The following IQSEC2 variants were observed in gnomAD, a reference collection of about 807,000 sequenced individuals.
IQSEC2 encodes IQ motif and SEC7 domain-containing protein 2.
IQSEC2 carries 6 observed loss-of-function variants against 74.6 expected under a neutral mutation model. The observed-to-expected ratio is 0.08, with a 90% confidence interval of 0.04 to 0.16. IQSEC2 has a LOEUF of 0.16. Ranked by LOEUF, IQSEC2 falls within the 10% of genes least tolerant of loss-of-function variation. IQSEC2 has a pLI of 1.00. For missense variants in IQSEC2, 734 were observed against 1,306.2 expected (o/e 0.56, Z 6.75); for synonymous variants, 494 against 544.5 (o/e 0.91, Z 1.29).
intron 1 of IQSEC2, among the ~76,000 whole-genome samples, chrX:53,299,242 T>C (rs1366136316): frequency 9.0e-6 from 1 of 110,920 alleles, no homozygotes; most frequent in Admixed American, 9.7e-5. Context: ...TACATTAAAA[T>C]AAAATATACC....
At chrX:53,235,699 G>A (rs1328275196) in intron 14 of IQSEC2, 84 bp downstream of exon 14, 1 of 1,007,176 alleles carries the variant, frequency 9.9e-7, no homozygotes, top group Non-Finnish European at 1.4e-6. Flanking sequence ...AAGAGGGGGA[G>A]CAACAGGTCC....
intron 1 of IQSEC2, among the ~76,000 whole-genome samples, chrX:53,319,356 A>G (rs2075406938): frequency 8.9e-6 from 1 of 111,892 alleles, no homozygotes; most frequent in African/African-American, 3.3e-5. Context: ...CTTCAAGATC[A>G]TCCAAGGCAG....
At chrX:53,229,667 A>C (rs1277307329), downstream of IQSEC2, 5 of 111,191 alleles carry the variant, frequency 4.5e-5, no homozygotes, top group African/African-American at 1.6e-4. Flanking sequence ...GCACCACTGC[A>C]CTGGGCAATG....
At chrX:53,237,587 GGT>G (rs1475983958) in intron 12 of IQSEC2, 1 of 130,193 alleles carries the variant, frequency 7.7e-6, no homozygotes, top group Non-Finnish European at 1.6e-5. Flanking sequence ...AAAATGACTT[GGT>G]GTGGCCCCTG....
intron 2 of IQSEC2, among the ~76,000 whole-genome samples, chrX:53,276,912 G>A (rs781831208): frequency 8.9e-6 from 1 of 111,804 alleles, no homozygotes; most frequent in Admixed American, 9.5e-5. Flanking sequence ...TGCACTCTTG[G>A]GGCAAACTTT....
chrX:53,240,693 G>A (rs1556860669), intron 10 of IQSEC2, among the ~76,000 whole-genome samples: 2 of 111,686 alleles, frequency 1.8e-5, no homozygotes, highest in Non-Finnish European at 3.8e-5. Flanking sequence ...CTTCCAACCT[G>A]CAAAGTCCTA....
At chrX:53,273,284 T>C (rs1556868943) in intron 2 of IQSEC2, among the ~76,000 whole-genome samples, 1 of 110,759 alleles carries the variant, frequency 9.0e-6, no homozygotes, top group Non-Finnish European at 1.9e-5. Flanking sequence ...GCCCCTCATC[T>C]GGCAGCCTTC....
intron 1 of IQSEC2, among the ~76,000 whole-genome samples, chrX:53,313,667 C>G (rs781956605): frequency 6.2e-5 from 7 of 112,039 alleles, no homozygotes; most frequent in Non-Finnish European, 1.3e-4. Context: ...CCCTGAGATA[C>G]CATGTCCAGC....
rs1161354303 is a variant in IQSEC2 at position 53,235,018 on chromosome X, G to A, written c.3668C>T (p.Pro1223Leu). The A allele has an allele frequency of 1.4e-5, 16 of 1,164,200 alleles. No homozygotes were observed. Among genetic ancestry groups the A allele is most frequent in the South Asian group, 3.8e-5 (2 of 52,456 alleles). The change falls in exon 15 of 15, where the codon CCG (proline) becomes CTG (leucine). Residue 1223 changes from proline (P) to leucine (L), a missense_variant. Transcript: ENST00000642864. ...RGKGPFQMPP[P>L]PTGQASASSS... Reference sequence around the variant, plus strand: ...GGAGGCAGAGGCCTGGCCTGTTGGCGGTGGTGGCATCTGGAAGGGCCCCTT... The same window carrying A: ...GGAGGCAGAGGCCTGGCCTGTTGGCAGTGGTGGCATCTGGAAGGGCCCCTT...
Position 53,238,290 on chromosome X carries a change from G to C in IQSEC2, c.3132C>G (p.Ile1044Met). Reference protein sequence around the residue: ...LFQNSYYQFGIKLLSAVPGGE... With the variant: ...LFQNSYYQFGMKLLSAVPGGE... ...CACCAGGTACTGCAGACAGCAACTT[G>C]ATCCCAAACTGGTAATCTGTGGAGA... Residue 1044 changes from isoleucine (I) to methionine (M), a missense_variant, in exon 12 of 15, where the codon ATC becomes ATG. This residue lies in a region of IQSEC2 where 249 missense variants were observed against 467.9 expected (regional missense o/e 0.53). Transcript: ENST00000642864. The C allele has an allele frequency of 1.7e-6, 2 of 1,211,736 alleles. No homozygotes were observed. Among genetic ancestry groups the C allele is most frequent in the Non-Finnish European group, 2.2e-6 (2 of 895,321 alleles).
In IQSEC2 at chrX:53,262,717, C is replaced by T. The variant is rs34526064; in HGVS notation, c.738-6656G>A. Reference sequence around the variant, plus strand: ...GGATCTAAGCCCTAGCCCAGCCTGGCTTGGCACAGGAACTGACAGGGAAGA... The same window carrying T: ...GGATCTAAGCCCTAGCCCAGCCTGGTTTGGCACAGGAACTGACAGGGAAGA... On this transcript the variant is annotated intron_variant, in intron 2 of 14. Transcript: ENST00000642864. 2.1e-4 allele frequency among the ~76,000 whole-genome samples: 24 copies of T among 112,715 alleles called. No individual in the cohort carries two copies. The East Asian group carries it at 6.5e-3, about 30-fold the overall frequency.
At chrX:53,256,480 A>T (rs1420989405) in intron 2 of IQSEC2, among the ~76,000 whole-genome samples, 2 of 108,219 alleles carry the variant, frequency 1.8e-5, no homozygotes, top group African/African-American at 6.8e-5. Context: ...CCTTGTCCCC[A>T]ACGCAGTGCT....
At chrX:53,264,051 C>A (rs1350622010) in intron 2 of IQSEC2, among the ~76,000 whole-genome samples, 2 of 112,318 alleles carry the variant, frequency 1.8e-5, no homozygotes, top group Admixed American at 9.4e-5. Context: ...AAGGCCACAG[C>A]CTCACGTGCT....
At chrX:53,313,839 A>T (rs782494032) in intron 1 of IQSEC2, among the ~76,000 whole-genome samples, 1 of 112,218 alleles carries the variant, frequency 8.9e-6, no homozygotes, top group Admixed American at 9.4e-5. Context: ...GGGAGAGATA[A>T]TGATCAGCAG....
intron 2 of IQSEC2, among the ~76,000 whole-genome samples, chrX:53,282,112 T>C (rs2074975864): frequency 8.9e-6 from 1 of 112,662 alleles, no homozygotes; most frequent in Admixed American, 9.4e-5. Context: ...GGTATCAAGA[T>C]GGGGCCCCGG....
In IQSEC2 at chrX:53,239,056, T is replaced by C; in HGVS notation, c.3115+139A>G. ...ATACTCCACCCTGGCCTGCCCCTCA[T>C]CCTGGGACCAAGTAGGTGCTTTGGA... On this transcript the variant is annotated intron_variant, in intron 11 of 14. Coordinates refer to ENST00000642864, the MANE Select transcript of IQSEC2 (RefSeq NM_001111125.3). The C allele has an allele frequency of 1.4e-5, 7 of 511,120 alleles. No homozygotes were observed. In the South Asian group the frequency reaches 1.8e-4, roughly 13 times the overall value. The allele number at this position is 511,120 out of a possible 1,213,427, so 42.1% of individuals were successfully genotyped here. A position where few individuals can be genotyped will look rare whatever the true frequency, so the allele number is the denominator to read the frequency against.
intron 2 of IQSEC2, chrX:53,281,396 G>T: frequency 2.1e-6 from 1 of 477,208 alleles, no homozygotes; most frequent in Non-Finnish European, 3.5e-6. Context: ...AGGGAGCCAG[G>T]AACCAGGAAG....
chrX:53,301,574 C>T (rs782372476), intron 1 of IQSEC2, among the ~76,000 whole-genome samples: 1 of 112,225 alleles, frequency 8.9e-6, no homozygotes, highest in East Asian at 2.8e-4. Flanking sequence ...GGTCTTATTA[C>T]CCAGGTCCAT....
chrX:53,234,677 C>G lies in IQSEC2; in HGVS notation c.4009G>C (p.Gly1337Arg). The G allele has an allele frequency of 8.8e-7, 1 of 1,138,889 alleles. No individual in the cohort carries two copies. Among genetic ancestry groups the G allele is most frequent in the Non-Finnish European group, 1.2e-6 (1 of 858,742 alleles). 93.9% of individuals were successfully genotyped at this position (1,138,889 alleles called of 1,213,427 possible). A position where few individuals can be genotyped will look rare whatever the true frequency, so the allele number is the denominator to read the frequency against. Reference protein sequence around the residue: ...PVPGPQHYTLGRPGRAPRRGA... With the variant: ...PVPGPQHYTLRRPGRAPRRGA... The stretch of plus-strand genomic sequence containing the variant: ...CGTCTGGGTGCCCTGCCTGGCCGGC[C>G]CAAGGTATAGTGTTGGGGCCCTGGG... Residue 1337 changes from glycine to arginine, a missense_variant, in exon 15 of 15, where the codon GGC becomes CGC. Transcript: ENST00000642864.
Sources: gnomAD v4.1 joint callset for allele counts (sites outside exome capture counted in the v4.1 genomes callset) on GRCh38, gnomAD v4.1.1 for gene constraint, gnomAD v4.1.1 regional missense constraint, MANE v1.5 for transcripts, NCBI Gene and HGNC (gene_info 2026-07-23, HGNC 2026-07-21) for gene names.